Variants in TAB3 observed in about 807,000 individuals in gnomAD.
TAB3 encodes the protein TGF-beta activated kinase 1 (MAP3K7) binding protein 3.
TAB3 carries 18 observed loss-of-function variants against 48.1 expected under a neutral mutation model. That is an observed-to-expected ratio of 0.37 (90% CI 0.26 to 0.55). The LOEUF is 0.55. Among genes scored for constraint, TAB3 ranks in the 20% least tolerant of loss-of-function variants. TAB3 has a pLI of 0.78. For synonymous variants in TAB3, 185 were observed against 190.2 expected (o/e 0.97, Z 0.22); for missense variants, 414 against 549.8 (o/e 0.75, Z 2.47).
chrX:30,838,178 GC>G (rs1289954874), intron 9 of TAB3, among the ~76,000 whole-genome samples: 2 of 111,594 alleles, frequency 1.8e-5, no homozygotes, highest in African/African-American at 6.5e-5. Flanking sequence ...GCTCACTGCA[GC>G]CTCAACCTCC....
At chrX:30,834,293 G>C in intron 9 of TAB3, 141 bp from the exon 10 acceptor site, 1 of 487,842 alleles carries the variant, frequency 2.0e-6, no homozygotes. Flanking sequence ...CTTTAGCAAG[G>C]GCAGGCACCA....
At chrX:30,831,790 A>C (rs903314438) in intron 10 of TAB3, among the ~76,000 whole-genome samples, 1 of 112,266 alleles carries the variant, frequency 8.9e-6, no homozygotes, top group East Asian at 2.8e-4. Context: ...TTTCTGCTAT[A>C]AGAAGATGGA....
chrX:30,847,281 C>G lies in TAB3; in HGVS notation c.1711-637G>C, dbSNP rs530717864. Among the ~76,000 whole-genome samples, 65 of 110,117 alleles carry G rather than the reference C, an allele frequency of 5.9e-4. No individual in the cohort carries two copies. In the South Asian group the frequency reaches 0.024, roughly 41 times the overall value. On this transcript the variant is annotated intron_variant, in intron 7 of 10. Coordinates refer to ENST00000288422, the MANE Select transcript of TAB3 (RefSeq NM_152787.5). The stretch of plus-strand genomic sequence containing the variant: ...TTTTCTAGATTGAAGGAGGCAGTTA[C>G]TCTAGCACATGAAAACTTCAGAAAC...
chrX:30,873,950 G>C (rs1165106474), intron 1 of TAB3, among the ~76,000 whole-genome samples: 1 of 111,120 alleles, frequency 9.0e-6, no homozygotes, highest in East Asian at 2.8e-4. Context: ...AAGGCGGGAG[G>C]ATCCCTTGAT....
rs1337533663 is a variant in TAB3, at chrX:30,827,834, T to C, written c.*3593A>G. 8.9e-6 allele frequency: 1 copy of C among 112,353 alleles called. No individual in the cohort carries two copies. Among genetic ancestry groups the C allele is most frequent in the African/African-American group, 3.2e-5 (1 of 30,861 alleles). 9.3% of individuals were successfully genotyped at this position (112,353 alleles called of 1,213,427 possible). ...ATTAAATATTTGGGGATGCAAATAATACAGGAAAAAAAGTCTGGTGAATGT... is the reference window on the plus strand; with the variant it reads ...ATTAAATATTTGGGGATGCAAATAACACAGGAAAAAAAGTCTGGTGAATGT... On this transcript the variant is annotated 3_prime_UTR_variant, in exon 11 of 11. Transcript: ENST00000288422.
At chrX:30,846,688 A>G in intron 7 of TAB3, 44 bp from the exon 8 acceptor site, 1 of 883,699 alleles carries the variant, frequency 1.1e-6, no homozygotes, top group Non-Finnish European at 1.6e-6. Context: ...GAAAGTCATT[A>G]TCAAGCCCAA....
intron 8 of TAB3, chrX:30,846,209 A>C (rs781020751): frequency 2.9e-5 from 12 of 411,642 alleles, no homozygotes; most frequent in Non-Finnish European, 3.2e-5. Flanking sequence ...CTTTTTACAG[A>C]TATTTTAGAT....
At chrX:30,882,158 G>GA (rs1008196620) in intron 1 of TAB3, among the ~76,000 whole-genome samples, 4 of 111,180 alleles carry the variant, frequency 3.6e-5, no homozygotes, top group East Asian at 2.8e-4. Context: ...TGGTATCCCT[G>GA]AAAAAAACAA....
chrX:30,868,522 T>G (rs1486870871), intron 2 of TAB3, among the ~76,000 whole-genome samples: 4 of 2,497 alleles, frequency 1.6e-3, no homozygotes, highest in African/African-American at 4.7e-3. Context: ...ATAGCTTATA[T>G]ATATATATAT....
intron 4 of TAB3, 102 bp from the exon 5 acceptor site, chrX:30,859,780 G>A (rs1302351128): frequency 1.7e-5 from 7 of 414,078 alleles, no homozygotes; most frequent in African/African-American, 2.6e-5. Flanking sequence ...CTCCTCTAAG[G>A]AGGCTTCCAC....
chrX:30,876,478 G>T (rs1370176658), intron 1 of TAB3, among the ~76,000 whole-genome samples: 2 of 111,813 alleles, frequency 1.8e-5, no homozygotes, highest in Non-Finnish European at 3.8e-5. Flanking sequence ...TCTCAGCAAT[G>T]ACCTAGAAAT....
intron 2 of TAB3, among the ~76,000 whole-genome samples, chrX:30,868,103 C>G: frequency 9.7e-6 from 1 of 102,704 alleles, no homozygotes; most frequent in African/African-American, 3.5e-5. Flanking sequence ...CACCATATTG[C>G]CCAAGCTGGT....
chrX:30,878,705 A>C (rs1257482104), intron 1 of TAB3, among the ~76,000 whole-genome samples: 2 of 111,487 alleles, frequency 1.8e-5, no homozygotes, highest in Non-Finnish European at 3.8e-5. Context: ...CCACATGCTA[A>C]GCCATAAAGT....
chrX:30,846,975 CTG>C (rs199729385), intron 7 of TAB3, among the ~76,000 whole-genome samples: 581 of 111,401 alleles, frequency 5.2e-3, no homozygotes, highest in Middle Eastern at 9.3e-3. Context: ...GTAAGGGAAA[CTG>C]TAAGAATCAA....
At chrX:30,847,470 C>T (rs1193910899) in intron 7 of TAB3, among the ~76,000 whole-genome samples, 1 of 107,362 alleles carries the variant, frequency 9.3e-6, no homozygotes, top group Non-Finnish European at 1.9e-5. Flanking sequence ...CTTCCCATGT[C>T]ATCCTTAATT....
intron 7 of TAB3, among the ~76,000 whole-genome samples, chrX:30,849,160 T>C (rs1163465362): frequency 8.9e-6 from 1 of 112,148 alleles, no homozygotes; most frequent in Non-Finnish European, 1.9e-5. Context: ...CTCACACAAA[T>C]ACATATAGAC....
In TAB3 at chrX:30,828,466, C is replaced by T. The variant is rs995059422; in HGVS notation, c.*2961G>A. 2 of 113,173 alleles carry T rather than the reference C, an allele frequency of 1.8e-5. No homozygotes were observed. The highest frequency in any genetic ancestry group is 1.9e-5 in the Non-Finnish European group (1 of 53,290). 9.3% of individuals were successfully genotyped at this position (113,173 alleles called of 1,213,427 possible). A position where few individuals can be genotyped will look rare whatever the true frequency, so the allele number is the denominator to read the frequency against. The stretch of plus-strand genomic sequence containing the variant: ...ATTTTTACAATGCATTTCTTTGTTT[C>T]TTTAAAGCCCCCTGCCTCTACTCTC... On this transcript the variant is annotated 3_prime_UTR_variant, in exon 11 of 11. Transcript: ENST00000288422.
chrX:30,836,183 G>A (rs926649776), intron 9 of TAB3: 2 of 111,848 alleles, frequency 1.8e-5, no homozygotes, highest in African/African-American at 6.5e-5. Context: ...TTTAACAGAA[G>A]AAGATAAAAA....
At chrX:30,874,982 C>T (rs371156237) in intron 1 of TAB3, among the ~76,000 whole-genome samples, 1 of 111,987 alleles carries the variant, frequency 8.9e-6, no homozygotes, top group East Asian at 2.8e-4. Flanking sequence ...AGCTTTCTAA[C>T]AGGGCAGAGA....
Sources: gnomAD v4.1 joint callset for allele counts (sites outside exome capture counted in the v4.1 genomes callset) on GRCh38, gnomAD v4.1.1 for gene constraint, MANE v1.5 for transcripts, NCBI Gene and HGNC (gene_info 2026-07-23, HGNC 2026-07-21) for gene names.